Variants in FER observed in about 807,000 individuals in gnomAD.
FER encodes the protein tyrosine-protein kinase Fer.
FER carries 63 observed loss-of-function variants against 111.0 expected under a neutral mutation model. That is an observed-to-expected ratio of 0.57 (90% CI 0.46 to 0.70). The LOEUF (loss-of-function observed/expected upper bound fraction) is 0.70. Among genes scored for constraint, FER ranks in the 30% least tolerant of loss-of-function variants. The pLI, the probability that FER is intolerant of heterozygous loss-of-function variation, is 0.00. For synonymous variants in FER, 327 were observed against 313.9 expected (o/e 1.04, Z -0.44); for missense variants, 914 against 954.0 (o/e 0.96, Z 0.55).
chr5:108,898,802 C>T (rs1423109110), intron 10 of FER, among the ~76,000 whole-genome samples: 1 of 151,718 alleles, frequency 6.6e-6, no homozygotes, highest in African/African-American at 2.4e-5. Flanking sequence ...TATCACCAGA[C>T]ACTGTGATTG....
At chr5:108,854,468 C>T (rs1459342626) in intron 5 of FER, among the ~76,000 whole-genome samples, 3 of 152,192 alleles carry the variant, frequency 2.0e-5, no homozygotes, top group Non-Finnish European at 2.9e-5. Context: ...CTTTGTTCAA[C>T]CTCAGCTAAG....
chr5:109,142,742 G>A (rs1336748276), intron 17 of FER, among the ~76,000 whole-genome samples: 1 of 151,148 alleles, frequency 6.6e-6, no homozygotes, highest in East Asian at 1.9e-4. Flanking sequence ...CAGAAAAAAA[G>A]ACATAGAAAT....
At chr5:109,111,798 A>G (rs1344515425) in intron 17 of FER, among the ~76,000 whole-genome samples, 1 of 152,002 alleles carries the variant, frequency 6.6e-6, no homozygotes, top group East Asian at 1.9e-4. Context: ...CATGGGGAAA[A>G]CCACCCCCAT....
At chr5:108,816,885 T>G (rs1758334900) in intron 3 of FER, among the ~76,000 whole-genome samples, 1 of 151,890 alleles carries the variant, frequency 6.6e-6, no homozygotes, top group Non-Finnish European at 1.5e-5. Context: ...GCAGATCACT[T>G]GAGCGCAGGA....
At chr5:108,907,906 A>T (rs1751020216) in intron 10 of FER, among the ~76,000 whole-genome samples, 1 of 152,122 alleles carries the variant, frequency 6.6e-6, no homozygotes, top group African/African-American at 2.4e-5. Context: ...TTTTCGAGAA[A>T]ATTGAGAGTA....
intron 16 of FER, among the ~76,000 whole-genome samples, chr5:109,064,351 G>A (rs1166875183): frequency 6.6e-6 from 1 of 152,050 alleles, no homozygotes; most frequent in Admixed American, 6.6e-5. Flanking sequence ...TTCTAGTAGT[G>A]TATATTCTTT....
At chr5:108,834,290 G>A (rs1252296374) in intron 4 of FER, among the ~76,000 whole-genome samples, 3 of 152,178 alleles carry the variant, frequency 2.0e-5, no homozygotes, top group Non-Finnish European at 4.4e-5. Flanking sequence ...ATCATAGGTG[G>A]TGGTATACAC....
rs1759330664 is a variant in FER, at chr5:109,190,912, T to C, written c.*3337T>C. Reference sequence around the variant, plus strand: ...TTCACAGTTGTTTTTCATTTTAGGATTATTTTGAGAAGAAAAAATGTTTTG... The same window carrying C: ...TTCACAGTTGTTTTTCATTTTAGGACTATTTTGAGAAGAAAAAATGTTTTG... On this transcript the variant is annotated 3_prime_UTR_variant, in exon 20 of 20. Transcript: ENST00000281092. 6.6e-6 allele frequency: 1 copy of C among 152,188 alleles called. No homozygotes were observed. The highest frequency in any genetic ancestry group is 6.6e-5 in the Admixed American group (1 of 15,264). The allele number at this position is 152,188 out of a possible 1,614,324, so 9.4% of individuals were successfully genotyped here.
chr5:109,003,287 AT>A (rs1765051238), intron 13 of FER, among the ~76,000 whole-genome samples: 1 of 151,294 alleles, frequency 6.6e-6, no homozygotes, highest in Admixed American at 6.6e-5. Flanking sequence ...CTATGCAGCT[AT>A]AAAAAATGAT....
chr5:108,914,440 GA>G (rs1378461556), intron 10 of FER, among the ~76,000 whole-genome samples: 20 of 152,070 alleles, frequency 1.3e-4, no homozygotes, highest in African/African-American at 4.8e-4. Flanking sequence ...CTTTTACTGA[GA>G]AACTATAGTT....
chr5:108,978,980 G>A (rs1761725971), intron 13 of FER, among the ~76,000 whole-genome samples: 1 of 152,110 alleles, frequency 6.6e-6, no homozygotes, highest in Non-Finnish European at 1.5e-5. Flanking sequence ...AATAATTATT[G>A]TTTAATGATT....
At chr5:108,877,942 G>A (rs1765256553) in intron 8 of FER, among the ~76,000 whole-genome samples, 1 of 151,664 alleles carries the variant, frequency 6.6e-6, no homozygotes, top group Non-Finnish European at 1.5e-5. Flanking sequence ...GTCTTGCTCT[G>A]TTGCCCAGGC....
In FER at chr5:108,924,728, G is replaced by A. The variant is rs915564145; in HGVS notation, c.1237-21402G>A. 50 of 1,232,068 alleles carry A rather than the reference G, an allele frequency of 4.1e-5. No individual in the cohort carries two copies. In the African/African-American group the frequency reaches 7.3e-4, roughly 18 times the overall value. 76.3% of individuals were successfully genotyped at this position (1,232,068 alleles called of 1,614,324 possible). ...GAGTCTGGTTTCGGCTCCCAATCCTGTAAAACATGTGCTTTAATGTTCAGC... is the reference window on the plus strand; with the variant it reads ...GAGTCTGGTTTCGGCTCCCAATCCTATAAAACATGTGCTTTAATGTTCAGC... On this transcript the variant is annotated intron_variant, in intron 10 of 19. Coordinates refer to ENST00000281092, the MANE Select transcript of FER (RefSeq NM_005246.4).
At chr5:108,751,291 A>G (rs1750478740) in intron 1 of FER, among the ~76,000 whole-genome samples, 1 of 152,134 alleles carries the variant, frequency 6.6e-6, no homozygotes, top group African/African-American at 2.4e-5. Context: ...CCACCAAATT[A>G]TAAGGTGCTT....
At chr5:108,890,626 G>A (rs1747886253) in intron 9 of FER, among the ~76,000 whole-genome samples, 1 of 151,888 alleles carries the variant, frequency 6.6e-6, no homozygotes, top group African/African-American at 2.4e-5. Context: ...TCCATTAATG[G>A]CCTATCCTAC....
intron 8 of FER, among the ~76,000 whole-genome samples, chr5:108,877,891 G>A (rs1001852133): frequency 4.6e-5 from 7 of 152,022 alleles, no homozygotes; most frequent in African/African-American, 1.4e-4. Context: ...ATTATCCATA[G>A]TAAAGGTTTT....
In FER at chr5:108,839,584, T is replaced by C. The variant is rs1425616905; in HGVS notation, c.481+3777T>C. On this transcript the variant is annotated intron_variant, in intron 5 of 19. Coordinates refer to ENST00000281092, the MANE Select transcript of FER (RefSeq NM_005246.4). ...CCCATGCCATTTTCTTTTTTTTTTT[T>C]TTTTTTTTTTTGAGACGGAGCCTCG... 9.7e-5 allele frequency among the ~76,000 whole-genome samples: 14 copies of C among 145,066 alleles called. 1 individual carries two copies. Among genetic ancestry groups the C allele is most frequent in the Admixed American group, 9.6e-4 (14 of 14,658 alleles).
chr5:109,177,044 G>A (rs760323851), intron 17 of FER, among the ~76,000 whole-genome samples: 13 of 152,100 alleles, frequency 8.5e-5, no homozygotes, highest in African/African-American at 2.9e-4. Flanking sequence ...GATGGGAAAC[G>A]TTTGGTCACA....
At chr5:108,994,665 A>G (rs1763763493) in intron 13 of FER, among the ~76,000 whole-genome samples, 1 of 152,188 alleles carries the variant, frequency 6.6e-6, no homozygotes, top group Non-Finnish European at 1.5e-5. Context: ...TGGTAGTTTC[A>G]TGTGAATAGC....
Sources: allele counts gnomAD v4.1 joint callset (sites outside exome capture counted in the v4.1 genomes callset), GRCh38; gene constraint gnomAD v4.1.1; transcripts MANE v1.5; gene names NCBI Gene and HGNC (gene_info 2026-07-23, HGNC 2026-07-21).